Variants in C3orf52 observed in about 807,000 individuals in gnomAD.
The protein encoded by C3orf52 is TPA-induced transmembrane protein.
A neutral mutation model predicts 24.8 loss-of-function variants in C3orf52; 22 were observed. The observed-to-expected ratio is 0.89, with a 90% CI of 0.63 to 1.27. The LOEUF is 1.27. Among genes scored for constraint, C3orf52 ranks in the 50% most tolerant of loss-of-function variants. The probability of loss-of-function intolerance (pLI) is 0.00; values close to 1 mark genes in which losing one functional copy is unlikely to be tolerated. For missense variants in C3orf52, 265 were observed against 260.7 expected (o/e 1.02, Z -0.11); for synonymous variants, 93 against 100.2 (o/e 0.93, Z 0.43).
intron 4 of C3orf52, chr3:112,128,135 T>C (rs1305674261): frequency 1.4e-6 from 2 of 1,413,386 alleles, no homozygotes; most frequent in East Asian, 4.6e-5. Flanking sequence ...CCTTTCCTTT[T>C]GCCATTTCTG....
chr3:112,131,971 T>A (rs1411598875), downstream of C3orf52, among the ~76,000 whole-genome samples: 2 of 152,180 alleles, frequency 1.3e-5, no homozygotes, highest in Non-Finnish European at 2.9e-5. Context: ...AAAATTTTTT[T>A]AAAGTTTTTT....
chr3:112,108,035 C>T (rs1158492316), intron 3 of C3orf52, among the ~76,000 whole-genome samples: 1 of 152,092 alleles, frequency 6.6e-6, no homozygotes, highest in African/African-American at 2.4e-5. Context: ...GGCACATGTT[C>T]CTAGTACTAC....
chr3:112,124,778 C>T (rs112017241), intron 4 of C3orf52, among the ~76,000 whole-genome samples: 33 of 152,240 alleles, frequency 2.2e-4, no homozygotes, highest in Non-Finnish European at 3.8e-4. Flanking sequence ...CAGCAAAGTA[C>T]AGGGGGAAAA....
At chr3:112,115,585 G>A (rs925246905) in intron 5 of C3orf52, among the ~76,000 whole-genome samples, 13 of 150,462 alleles carry the variant, frequency 8.6e-5, no homozygotes, top group African/African-American at 1.7e-4. Context: ...TTCTCCCCAG[G>A]AAAAAAAAAT....
chr3:112,102,080 A>G (rs980920701), intron 2 of C3orf52, among the ~76,000 whole-genome samples: 1 of 151,874 alleles, frequency 6.6e-6, no homozygotes, highest in Non-Finnish European at 1.5e-5. Flanking sequence ...CTGCAAGCAG[A>G]GCATGTCAAC....
intron 1 of C3orf52, among the ~76,000 whole-genome samples, chr3:112,091,986 A>G (rs1199247858): frequency 6.7e-6 from 1 of 150,100 alleles, no homozygotes; most frequent in Non-Finnish European, 1.5e-5. Context: ...CCTGGGCGAC[A>G]GAGCGAGACT....
In C3orf52 at chr3:112,126,215, G is replaced by A. The variant is rs116653462; in HGVS notation, c.*47-2018G>A. ...CTCCTGGAGTGAAGTGGCTAGGGTG[G>A]GAGGCTGTATTATTCATTTACACAT... On this transcript the variant is annotated intron_variant, in intron 4 of 4. Transcript: ENST00000480282. Among the ~76,000 whole-genome samples the A allele has an allele frequency of 6.7e-3, 1,024 of 152,266 alleles. 8 individuals are homozygous for A. Among genetic ancestry groups the A allele is most frequent in the Non-Finnish European group, 0.011 (732 of 68,010 alleles).
downstream of C3orf52, chr3:112,122,501 G>T (rs1327808567): frequency 6.6e-6 from 1 of 152,188 alleles, no homozygotes; most frequent in Non-Finnish European, 1.5e-5. Context: ...AGGACACATA[G>T]AGGAGTGCTT....
chr3:112,097,708 C>A (rs1309979829), intron 2 of C3orf52, among the ~76,000 whole-genome samples: 3 of 152,186 alleles, frequency 2.0e-5, no homozygotes, highest in Admixed American at 6.5e-5. Flanking sequence ...GTGCTAGACC[C>A]AGTACCTTGA....
chr3:112,124,804 T>A (rs1053948152), intron 4 of C3orf52, among the ~76,000 whole-genome samples: 4 of 152,158 alleles, frequency 2.6e-5, no homozygotes, highest in Admixed American at 6.5e-5. Context: ...GATTGTGAAG[T>A]GAGACTTGGT....
intron 4 of C3orf52, chr3:112,126,867 G>A: frequency 1.3e-6 from 1 of 760,450 alleles, no homozygotes; most frequent in South Asian, 1.6e-5. Context: ...ATACAGTAAA[G>A]CAAAATGTGT....
At chr3:112,133,339 G>A (rs1242173423), downstream of C3orf52, 1 of 503,822 alleles carries the variant, frequency 2.0e-6, no homozygotes, top group Non-Finnish European at 3.5e-6. Flanking sequence ...ACATGTCAGT[G>A]CCTGAACCAA....
chr3:112,098,143 A>C (rs910964430), intron 2 of C3orf52, among the ~76,000 whole-genome samples: 1 of 152,188 alleles, frequency 6.6e-6, no homozygotes, highest in Non-Finnish European at 1.5e-5. Context: ...AAAGGTCTGC[A>C]TTTGAATCTT....
chr3:112,104,161 C>T (rs1351908556), intron 3 of C3orf52, among the ~76,000 whole-genome samples: 1 of 152,118 alleles, frequency 6.6e-6, no homozygotes, highest in Admixed American at 6.5e-5. Flanking sequence ...TGACTCCAAG[C>T]TCCAGTTGAG....
intron 3 of C3orf52, among the ~76,000 whole-genome samples, chr3:112,104,930 T>A (rs937509861): frequency 1.3e-5 from 2 of 152,204 alleles, no homozygotes; most frequent in Non-Finnish European, 2.9e-5. Flanking sequence ...GCTGCTTTTT[T>A]AATGGAGAGG....
intron 5 of C3orf52, among the ~76,000 whole-genome samples, chr3:112,116,069 A>T (rs1163201654): frequency 6.6e-6 from 1 of 152,152 alleles, no homozygotes; most frequent in Non-Finnish European, 1.5e-5. Context: ...CTGAGTAGGG[A>T]AAAAGGGCAA....
At chr3:112,100,694 C>G (rs1446832997) in intron 2 of C3orf52, among the ~76,000 whole-genome samples, 1 of 151,934 alleles carries the variant, frequency 6.6e-6, no homozygotes. Flanking sequence ...GTATAGAGCT[C>G]AAAGATACCC....
At chr3:112,098,827 A>T (rs1480666781) in intron 2 of C3orf52, among the ~76,000 whole-genome samples, 1 of 152,082 alleles carries the variant, frequency 6.6e-6, no homozygotes, top group Non-Finnish European at 1.5e-5. Flanking sequence ...CCTCTTTTAT[A>T]AGGGCACTAA....
rs538723968 is a variant in C3orf52, at chr3:112,112,983, A to C, written c.487A>C (p.Thr163Pro). ...VDFSGENATV[T>P]YDLQFGVPSD... ...TTTCAGTGGTGAAAATGCCACAGTA[A>C]CGTATGACCTGCAATTTGGGGTTCC... is the stretch of plus-strand genomic sequence containing the variant. Residue 163 changes from threonine to proline, a missense_variant, in exon 5 of 6, where the codon ACG becomes CCG. Physicochemically the swap from Thr to Pro is conservative, Grantham distance 38. Transcript: ENST00000264848. 1.2e-6 allele frequency: 2 copies of C among 1,607,536 alleles called. No homozygotes were observed. Among genetic ancestry groups the C allele is most frequent in the Admixed American group, 3.4e-5 (2 of 59,172 alleles).
Sources: allele counts gnomAD v4.1 joint callset (sites outside exome capture counted in the v4.1 genomes callset), GRCh38; gene constraint gnomAD v4.1.1; transcripts MANE v1.5; gene names NCBI Gene and HGNC (gene_info 2026-07-23, HGNC 2026-07-21).